Variants in DNAAF4 observed in about 807,000 individuals in gnomAD.
DNAAF4 encodes dynein axonemal assembly factor 4.
DNAAF4 carries 43 observed loss-of-function variants against 51.8 expected under a neutral mutation model. That is an observed-to-expected ratio of 0.83 (90% CI 0.65 to 1.07). The LOEUF is 1.07. Ranked by LOEUF, DNAAF4 falls within the 50% of genes least tolerant of loss-of-function variation. The pLI is 0.00. For missense variants in DNAAF4, 581 were observed against 493.0 expected, an observed-to-expected ratio of 1.18 and a Z score of -1.69; for synonymous variants, 194 against 165.6, an observed-to-expected ratio of 1.17 and a Z score of -1.32.
chr15:55,438,793 A>G (rs2057660589), intron 7 of DNAAF4, among the ~76,000 whole-genome samples: 1 of 152,054 alleles, frequency 6.6e-6, no homozygotes, highest in Non-Finnish European at 1.5e-5. Context: ...TCACAAAAAA[A>G]AAAAAGAAAA....
intron 7 of DNAAF4, among the ~76,000 whole-genome samples, chr15:55,437,752 A>C (rs779158570): frequency 2.0e-5 from 3 of 152,172 alleles, no homozygotes; most frequent in Admixed American, 1.3e-4. Context: ...GGGAGCCACA[A>C]TTCAAGGAAT....
At position 55,418,091 on chromosome 15, in the gene DNAAF4, G is replaced by A. The variant is rs199564997; in HGVS notation, c.1090C>T (p.Pro364Ser). Residue 364 changes from proline (P) to serine (S), a missense_variant, in exon 8 of 8, where the codon CCC becomes TCC. By Grantham distance (74) the Pro-to-Ser change is moderately conservative. Coordinates refer to the DNAAF4 transcript ENST00000448430. ...CTAGGGATATGATGGCTTAGCTTGG[G>A]CTCAGAGGCCTGACATTCAATGCCC... 225 of 1,580,710 alleles carry A rather than the reference G, an allele frequency of 1.4e-4. 2 individuals carry two copies. The highest frequency in any genetic ancestry group is 5.1e-4 in the Middle Eastern group (3 of 5,884).
intron 5 of DNAAF4, among the ~76,000 whole-genome samples, chr15:55,453,389 G>A (rs2057966428): frequency 6.6e-6 from 1 of 151,974 alleles, no homozygotes; most frequent in Admixed American, 6.6e-5. Flanking sequence ...CAACAAATAA[G>A]ACGACTGGCT....
At chr15:55,443,511 T>A (rs2057748684) in intron 6 of DNAAF4, among the ~76,000 whole-genome samples, 1 of 152,240 alleles carries the variant, frequency 6.6e-6, no homozygotes. Context: ...TAAACATACA[T>A]GTGCATGTGT....
chr15:55,449,392 G>T (rs1595907594), intron 6 of DNAAF4, among the ~76,000 whole-genome samples: 2 of 151,436 alleles, frequency 1.3e-5, no homozygotes, highest in East Asian at 4.0e-4. Flanking sequence ...GCTGGGTACG[G>T]TGGCTCATGC....
At chr15:55,419,931 A>G (rs1446789791) in intron 7 of DNAAF4, among the ~76,000 whole-genome samples, 1 of 152,136 alleles carries the variant, frequency 6.6e-6, no homozygotes, top group Non-Finnish European at 1.5e-5. Flanking sequence ...TGAACCTGGG[A>G]GGTGGAGGTT....
At chr15:55,487,998 G>A (rs918136449) in intron 4 of DNAAF4, among the ~76,000 whole-genome samples, 9 of 151,992 alleles carry the variant, frequency 5.9e-5, no homozygotes, top group African/African-American at 2.2e-4. Flanking sequence ...CTGCAATGAG[G>A]TTTTCCCTCT....
chr15:55,474,364 T>C (rs2058307656), intron 4 of DNAAF4, among the ~76,000 whole-genome samples: 1 of 151,820 alleles, frequency 6.6e-6, no homozygotes, highest in Non-Finnish European at 1.5e-5. Flanking sequence ...TGAAACCTTG[T>C]CTCTACTAAA....
intron 6 of DNAAF4, among the ~76,000 whole-genome samples, chr15:55,440,697 T>A (rs1413364021): frequency 6.6e-6 from 1 of 151,420 alleles, no homozygotes; most frequent in African/African-American, 2.4e-5. Flanking sequence ...TTTTTTTCTT[T>A]TTGAGACAGA....
downstream of DNAAF4, among the ~76,000 whole-genome samples, chr15:55,426,462 G>A (rs1034886630): frequency 5.3e-5 from 8 of 152,166 alleles, no homozygotes; most frequent in African/African-American, 1.9e-4. Context: ...TGCACAGGAA[G>A]GAACAAGGAC....
intron 3 of DNAAF4, among the ~76,000 whole-genome samples, chr15:55,496,488 T>C (rs2058642714): frequency 6.6e-6 from 1 of 152,196 alleles, no homozygotes; most frequent in South Asian, 2.1e-4. Flanking sequence ...TACTCAAACT[T>C]TCCATATGTC....
At chr15:55,445,195 A>T (rs2057779107) in intron 6 of DNAAF4, among the ~76,000 whole-genome samples, 1 of 152,004 alleles carries the variant, frequency 6.6e-6, no homozygotes, top group African/African-American at 2.4e-5. Flanking sequence ...GCAGCCTTCC[A>T]CAGTGTTTGT....
At chr15:55,504,806 A>G (rs1010732772) in intron 1 of DNAAF4, among the ~76,000 whole-genome samples, 3 of 152,186 alleles carry the variant, frequency 2.0e-5, no homozygotes, top group Non-Finnish European at 4.4e-5. Context: ...AAGACCTAAA[A>G]CCATAAAAAC....
At chr15:55,427,963 T>C (rs1185441873), downstream of DNAAF4, among the ~76,000 whole-genome samples, 1 of 150,696 alleles carries the variant, frequency 6.6e-6, no homozygotes, top group African/African-American at 2.4e-5. Context: ...AAACCGTAAT[T>C]TTTTTGGAGA....
intron 4 of DNAAF4, among the ~76,000 whole-genome samples, chr15:55,486,013 A>T (rs2058482710): frequency 6.7e-6 from 1 of 148,640 alleles, no homozygotes; most frequent in Admixed American, 6.6e-5. Flanking sequence ...AAAAAAAAAA[A>T]AGGAGGCAGT....
Position 55,430,371 on chromosome 15 carries a change from T to C in DNAAF4, c.*299A>G, listed in dbSNP as rs1034786556. 6.1e-5 allele frequency: 60 copies of C among 990,510 alleles called. No homozygotes were observed. Among genetic ancestry groups the C allele is most frequent in the Non-Finnish European group, 6.6e-5 (55 of 831,930 alleles). The allele number at this position is 990,510 out of a possible 1,614,324, so 61.4% of individuals were successfully genotyped here. A position where few individuals can be genotyped will look rare whatever the true frequency, so the allele number is the denominator to read the frequency against. ...AAAAATTAATCAGTAAGTGTCCTGG[T>C]AACTATACCAAAACATATTTTGTTA... is the stretch of plus-strand genomic sequence containing the variant. On this transcript the variant is annotated 3_prime_UTR_variant, in exon 10 of 10. Transcript: ENST00000321149.
chr15:55,418,714 T>A, intron 7 of DNAAF4: 1 of 571,142 alleles, frequency 1.8e-6, no homozygotes, highest in Non-Finnish European at 2.9e-6. Flanking sequence ...AACTGATAAC[T>A]ACATGACAGT....
rs966686276 is a variant in DNAAF4, at chr15:55,431,798, T to C, written c.1153+699A>G. Among the ~76,000 whole-genome samples, 10 of 151,680 alleles carry C rather than the reference T, an allele frequency of 6.6e-5. No individual in the cohort carries two copies. The South Asian group carries it at 2.1e-3, about 32-fold the overall frequency. ...CAGCCTATCATGTATTTTTTTTTTT[T>C]AAGAGACAGGGTCTCACTATGTTGC... On this transcript the variant is annotated intron_variant, in intron 9 of 9. Transcript: ENST00000321149.
chr15:55,441,291 C>T (rs1320313945), intron 6 of DNAAF4, among the ~76,000 whole-genome samples: 3 of 150,996 alleles, frequency 2.0e-5, no homozygotes, highest in South Asian at 2.1e-4. Context: ...AGGCTGGTCT[C>T]GAACTCCCGA....
Sources: allele counts gnomAD v4.1 joint callset (sites outside exome capture counted in the v4.1 genomes callset), GRCh38; gene constraint gnomAD v4.1.1; transcripts MANE v1.5; gene names NCBI Gene and HGNC (gene_info 2026-07-23, HGNC 2026-07-21).